ITK: variants seen among roughly 807,000 people sequenced by gnomAD.
The protein encoded by ITK is tyrosine-protein kinase ITK/TSK.
Under a neutral mutation model 87.6 loss-of-function variants are expected in ITK, and 45 were observed. That is an observed-to-expected ratio of 0.51 (90% CI 0.40 to 0.66). The LOEUF (loss-of-function observed/expected upper bound fraction) is 0.66, where lower values mean the gene tolerates loss of function less well. Ranked by LOEUF, ITK falls within the 30% of genes least tolerant of loss-of-function variation. ITK has a pLI of 0.00. For synonymous variants in ITK, 303 were observed against 273.6 expected (o/e 1.11, Z -1.06); for missense variants, 605 against 766.3 (o/e 0.79, Z 2.48).
intron 8 of ITK, among the ~76,000 whole-genome samples, chr5:157,232,648 G>T (rs566569353): frequency 1.3e-5 from 2 of 152,276 alleles, no homozygotes; most frequent in African/African-American, 4.8e-5. Context: ...AGAAAGAATT[G>T]TACTGTTTTT....
intron 1 of ITK, among the ~76,000 whole-genome samples, chr5:157,185,833 GAC>G (rs1753631302): frequency 6.6e-6 from 1 of 151,926 alleles, no homozygotes; most frequent in African/African-American, 2.4e-5. Context: ...AACAGGCTGA[GAC>G]CTGGTCTCAA....
At chr5:157,237,590 G>A (rs896991728) in intron 8 of ITK, among the ~76,000 whole-genome samples, 21 of 152,198 alleles carry the variant, frequency 1.4e-4, no homozygotes, top group African/African-American at 5.1e-4. Flanking sequence ...GGACAGTTTT[G>A]TGCCTTTGTA....
intron 1 of ITK, among the ~76,000 whole-genome samples, chr5:157,198,972 C>G (rs1372722853): frequency 2.0e-5 from 3 of 152,100 alleles, no homozygotes; most frequent in Admixed American, 2.0e-4. Context: ...ACTATGTTAC[C>G]CAGACTGTTG....
chr5:157,186,173 C>A (rs1753637830), intron 1 of ITK, among the ~76,000 whole-genome samples: 1 of 152,094 alleles, frequency 6.6e-6, no homozygotes, highest in Non-Finnish European at 1.5e-5. Flanking sequence ...ATCAGGGATT[C>A]CATTGGGTTA....
In ITK at chr5:157,204,647, C is replaced by T. The variant is rs749198831; in HGVS notation, c.139-4242C>T. ...CCAGGAGGTGGAGGTTGCGGTGAGC[C>T]GAGATCACACCACTGCACTCCAGCC... is the stretch of plus-strand genomic sequence containing the variant. On this transcript the variant is annotated intron_variant, in intron 1 of 16. Transcript: ENST00000422843. 1.3e-3 allele frequency among the ~76,000 whole-genome samples: 199 copies of T among 151,274 alleles called. 2 individuals carry two copies. The highest frequency in any genetic ancestry group is 7.4e-4 in the Non-Finnish European group (50 of 67,758).
At chr5:157,235,037 A>T (rs191905384) in intron 8 of ITK, among the ~76,000 whole-genome samples, 4 of 152,268 alleles carry the variant, frequency 2.6e-5, no homozygotes, top group South Asian at 4.2e-4. Flanking sequence ...TAAACAATTT[A>T]TCTTGTTCCT....
Position 157,186,190 on chromosome 5 carries a change from A to T in ITK, c.138+5075A>T, listed in dbSNP as rs552828425. The stretch of plus-strand genomic sequence containing the variant: ...CAGGGATTCCATTGGGTTATTACAC[A>T]GTATGCAATACATTCTTGCTCTGAA... On this transcript the variant is annotated intron_variant, in intron 1 of 16. Transcript: ENST00000422843. 3.3e-5 allele frequency among the ~76,000 whole-genome samples: 5 copies of T among 152,336 alleles called. No homozygotes were observed. In the East Asian group the frequency reaches 9.6e-4, roughly 29 times the overall value.
chr5:157,233,526 A>C (rs992938170), intron 8 of ITK, among the ~76,000 whole-genome samples: 1 of 152,342 alleles, frequency 6.6e-6, no homozygotes. Context: ...GAAATGTTCA[A>C]AAATACAGAT....
intron 4 of ITK, among the ~76,000 whole-genome samples, chr5:157,215,836 A>G (rs1754287089): frequency 6.6e-6 from 1 of 152,190 alleles, no homozygotes; most frequent in Admixed American, 6.5e-5. Context: ...TGGTATTTCC[A>G]TTTTGTAATT....
chr5:157,213,445 A>T, intron 3 of ITK: 2 of 372,724 alleles, frequency 5.4e-6, no homozygotes, highest in Non-Finnish European at 1.0e-5. Flanking sequence ...TAGCACAAGC[A>T]TGGCTCACTG....
chr5:157,243,572 C>T (rs1754957034), intron 11 of ITK, 51 bp from the exon 12 acceptor site: 1 of 1,500,886 alleles, frequency 6.7e-7, no homozygotes, highest in Admixed American at 1.7e-5. Context: ...TATCCCAATA[C>T]CTTATATCTA....
At chr5:157,206,422 G>A (rs75308057) in intron 1 of ITK, among the ~76,000 whole-genome samples, 14 of 152,220 alleles carry the variant, frequency 9.2e-5, no homozygotes, top group East Asian at 3.9e-4. Flanking sequence ...TGGGGGAGAC[G>A]CTCCTCCTCA....
At chr5:157,183,861 A>G (rs1156470418) in intron 1 of ITK, among the ~76,000 whole-genome samples, 1 of 152,216 alleles carries the variant, frequency 6.6e-6, no homozygotes. Context: ...ACCCTTCTAC[A>G]TACTCAAGAA....
At chr5:157,244,753 CTG>C in intron 13 of ITK, 1 of 427,938 alleles carries the variant, frequency 2.3e-6, no homozygotes, top group Non-Finnish European at 4.4e-6. Flanking sequence ...CTTAACCTCT[CTG>C]TGACTCAATT....
intron 2 of ITK, among the ~76,000 whole-genome samples, chr5:157,210,270 A>G (rs529875796): frequency 1.3e-5 from 2 of 152,232 alleles, no homozygotes; most frequent in African/African-American, 4.8e-5. Context: ...AGGCATGGAT[A>G]TCTCCTTGCA....
intron 1 of ITK, among the ~76,000 whole-genome samples, chr5:157,207,731 T>C (rs1461630007): frequency 6.6e-6 from 1 of 152,110 alleles, no homozygotes; most frequent in East Asian, 1.9e-4. Context: ...AGTCTACAAG[T>C]CCATCCCTTG....
intron 8 of ITK, among the ~76,000 whole-genome samples, chr5:157,236,708 A>G (rs1276943831): frequency 6.6e-6 from 1 of 152,172 alleles, no homozygotes; most frequent in Middle Eastern, 3.2e-3. Flanking sequence ...AAGTACTTAA[A>G]ATAGACTTCA....
intron 1 of ITK, among the ~76,000 whole-genome samples, chr5:157,192,738 C>G (rs922209299): frequency 4.6e-5 from 7 of 152,180 alleles, no homozygotes; most frequent in African/African-American, 1.7e-4. Context: ...AACCCTATGC[C>G]CCTTGGCCTG....
intron 1 of ITK, among the ~76,000 whole-genome samples, chr5:157,205,822 G>A (rs1754068122): frequency 6.6e-6 from 1 of 152,078 alleles, no homozygotes; most frequent in Non-Finnish European, 1.5e-5. Context: ...AAGCAATGTT[G>A]AATTTTATTG....
Sources: allele counts gnomAD v4.1 joint callset (sites outside exome capture counted in the v4.1 genomes callset), GRCh38; gene constraint gnomAD v4.1.1; transcripts MANE v1.5; gene names NCBI Gene and HGNC (gene_info 2026-07-23, HGNC 2026-07-21).